FRMD4A: variants seen among roughly 807,000 people sequenced by gnomAD.
FRMD4A encodes the protein FERM domain containing 4A.
FRMD4A carries 29 observed loss-of-function variants against 129.1 expected under a neutral mutation model. The ratio of observed to expected loss-of-function variants is 0.22; its 90% CI spans 0.17 to 0.31. FRMD4A has a LOEUF of 0.31. Ranked by LOEUF, FRMD4A falls within the 10% of genes least tolerant of loss-of-function variation. The pLI is 1.00. For missense variants in FRMD4A, 1,272 were observed against 1,375.8 expected (o/e 0.92, Z 1.19); for synonymous variants, 634 against 571.6 (o/e 1.11, Z -1.56).
intron 2 of FRMD4A, among the ~76,000 whole-genome samples, chr10:13,884,699 G>C (rs1266734110): frequency 6.6e-6 from 1 of 152,142 alleles, no homozygotes; most frequent in Non-Finnish European, 1.5e-5. Context: ...TCTGCTCCCA[G>C]TGATAGACCC....
At chr10:14,318,324 C>T (rs1409063141) in intron 2 of FRMD4A, among the ~76,000 whole-genome samples, 2 of 149,846 alleles carry the variant, frequency 1.3e-5, no homozygotes, top group South Asian at 4.4e-4. Context: ...TATATCCCCC[C>T]CCACCTTTTT....
intron 8 of FRMD4A, among the ~76,000 whole-genome samples, chr10:13,751,789 C>G (rs2091637541): frequency 2.0e-5 from 3 of 152,124 alleles, no homozygotes; most frequent in African/African-American, 7.2e-5. Flanking sequence ...GGTGGGAGGA[C>G]TGCTTGAGTC....
chr10:13,852,631 C>A (rs1297223430), intron 3 of FRMD4A, among the ~76,000 whole-genome samples: 1 of 152,126 alleles, frequency 6.6e-6, no homozygotes, highest in African/African-American at 2.4e-5. Flanking sequence ...CACGGACTCA[C>A]CAAGGCAAAA....
intron 2 of FRMD4A, among the ~76,000 whole-genome samples, chr10:13,872,697 G>A (rs1245220877): frequency 1.3e-5 from 2 of 152,202 alleles, no homozygotes; most frequent in African/African-American, 4.8e-5. Context: ...GAACAGTGAG[G>A]AAAGATGGAA....
chr10:13,980,754 A>C (rs1479872509), intron 2 of FRMD4A, among the ~76,000 whole-genome samples: 1 of 152,192 alleles, frequency 6.6e-6, no homozygotes, highest in Non-Finnish European at 1.5e-5. Flanking sequence ...TTTAAAAATT[A>C]AATTAAAAAA....
chr10:13,945,030 C>G (rs1302219301), intron 2 of FRMD4A, among the ~76,000 whole-genome samples: 1 of 152,122 alleles, frequency 6.6e-6, no homozygotes. Flanking sequence ...TTCCAGTGAT[C>G]GCCCCTCCGG....
intron 2 of FRMD4A, among the ~76,000 whole-genome samples, chr10:14,185,249 C>A (rs1036616916): frequency 6.6e-6 from 1 of 152,094 alleles, no homozygotes; most frequent in Non-Finnish European, 1.5e-5. Flanking sequence ...TCAAGAAGCC[C>A]GGAAACTATT....
chr10:14,168,639 A>G (rs1489438249), intron 2 of FRMD4A, among the ~76,000 whole-genome samples: 1 of 152,196 alleles, frequency 6.6e-6, no homozygotes, highest in Non-Finnish European at 1.5e-5. Context: ...TGAGATTTGC[A>G]CTTCTTCACA....
At chr10:13,666,374 G>T in intron 17 of FRMD4A, 49 bp from the exon 18 acceptor site, 1 of 1,320,534 alleles carries the variant, frequency 7.6e-7, no homozygotes, top group Non-Finnish European at 1.1e-6. Context: ...GCTGAGCAGG[G>T]AGACCCTCAT....
intron 12 of FRMD4A, among the ~76,000 whole-genome samples, chr10:13,710,960 G>A (rs1181035385): frequency 6.6e-6 from 1 of 152,180 alleles, no homozygotes; most frequent in East Asian, 1.9e-4. Flanking sequence ...GTTGCAGTGA[G>A]CCAGGATCAT....
chr10:13,921,029 G>T (rs2095064788), intron 2 of FRMD4A, among the ~76,000 whole-genome samples: 1 of 152,226 alleles, frequency 6.6e-6, no homozygotes, highest in African/African-American at 2.4e-5. Flanking sequence ...CATAGACTGG[G>T]TTCTATTATG....
At chr10:14,272,807 G>A (rs911064541) in intron 2 of FRMD4A, among the ~76,000 whole-genome samples, 1 of 151,984 alleles carries the variant, frequency 6.6e-6, no homozygotes, top group African/African-American at 2.4e-5. Flanking sequence ...TTCACAATGG[G>A]GCTTGAATTT....
At chr10:13,941,764 T>C (rs1214331378) in intron 2 of FRMD4A, among the ~76,000 whole-genome samples, 1 of 152,112 alleles carries the variant, frequency 6.6e-6, no homozygotes, top group African/African-American at 2.4e-5. Flanking sequence ...CTAAAAAAGG[T>C]GTGAATGGCT....
intron 17 of FRMD4A, among the ~76,000 whole-genome samples, chr10:13,668,867 T>G (rs2083275991): frequency 6.6e-6 from 1 of 152,158 alleles, no homozygotes; most frequent in Non-Finnish European, 1.5e-5. Flanking sequence ...CTGCAGTTCC[T>G]GCCTACGGTG....
At chr10:13,976,072 A>T (rs2095541218) in intron 2 of FRMD4A, among the ~76,000 whole-genome samples, 1 of 152,178 alleles carries the variant, frequency 6.6e-6, no homozygotes, top group African/African-American at 2.4e-5. Flanking sequence ...ACCATGTTAG[A>T]CACCAGGAAG....
At chr10:14,328,280 A>G (rs1843359532) in intron 2 of FRMD4A, among the ~76,000 whole-genome samples, 1 of 148,580 alleles carries the variant, frequency 6.7e-6, no homozygotes, top group Non-Finnish European at 1.5e-5. Flanking sequence ...GACAAATGGA[A>G]GGTGAAGTCT....
intron 3 of FRMD4A, among the ~76,000 whole-genome samples, chr10:13,824,464 C>T (rs958627423): frequency 2.2e-4 from 33 of 150,506 alleles, no homozygotes; most frequent in African/African-American, 6.6e-4. Flanking sequence ...CACTCCAGCC[C>T]GGGTGACAGA....
intron 2 of FRMD4A, among the ~76,000 whole-genome samples, chr10:14,257,119 T>A (rs948345713): frequency 3.3e-5 from 5 of 152,080 alleles, no homozygotes; most frequent in African/African-American, 1.2e-4. Flanking sequence ...TCACTTGAGA[T>A]AAGGAGTTCG....
intron 2 of FRMD4A, among the ~76,000 whole-genome samples, chr10:14,291,494 G>A (rs930123159): frequency 1.3e-5 from 2 of 152,058 alleles, no homozygotes; most frequent in Non-Finnish European, 2.9e-5. Context: ...AGAATGCAAG[G>A]TTGGCTTAAT....
Sources: allele counts gnomAD v4.1 joint callset (sites outside exome capture counted in the v4.1 genomes callset), GRCh38; gene constraint gnomAD v4.1.1; transcripts MANE v1.5; gene names NCBI Gene and HGNC (gene_info 2026-07-23, HGNC 2026-07-21).